The following TNN variants were observed in gnomAD, a reference collection of about 807,000 sequenced individuals.
The protein encoded by TNN is tenascin N, also known as tenascin-N.
A neutral mutation model predicts 134.4 loss-of-function variants in TNN; 122 were observed. The observed-to-expected ratio is 0.91, with a 90% confidence interval of 0.78 to 1.06. The LOEUF (loss-of-function observed/expected upper bound fraction) is 1.06. Among genes scored for constraint, TNN ranks in the 50% least tolerant of loss-of-function variants. The pLI, the probability that TNN is intolerant of heterozygous loss-of-function variation, is 0.00. For synonymous variants in TNN, 710 were observed against 670.3 expected (o/e 1.06, Z -0.91); for missense variants, 1,739 against 1,699.4 (o/e 1.02, Z -0.41).
intron 11 of TNN, among the ~76,000 whole-genome samples, chr1:175,121,406 C>G (rs916922427): frequency 1.3e-5 from 2 of 152,248 alleles, no homozygotes; most frequent in South Asian, 4.1e-4. Flanking sequence ...GAGCAAGTGG[C>G]CTGAGATGAG....
At chr1:175,112,375 A>T (rs1248180258) in intron 9 of TNN, among the ~76,000 whole-genome samples, 1 of 151,810 alleles carries the variant, frequency 6.6e-6, no homozygotes, top group African/African-American at 2.4e-5. Context: ...CTTTTTCTTT[A>T]CATAATAACC....
chr1:175,095,240 T>C (rs890632668), intron 7 of TNN, among the ~76,000 whole-genome samples: 3 of 152,166 alleles, frequency 2.0e-5, no homozygotes, highest in Non-Finnish European at 4.4e-5. Flanking sequence ...ACAGTAAGGA[T>C]GGTGATATCT....
At chr1:175,088,353 G>A (rs1439711400) in intron 6 of TNN, among the ~76,000 whole-genome samples, 1 of 152,154 alleles carries the variant, frequency 6.6e-6, no homozygotes, top group Non-Finnish European at 1.5e-5. Context: ...GAGATTCCAA[G>A]GGTTTTAGGA....
chr1:175,095,272 C>T (rs1289215342), intron 7 of TNN, among the ~76,000 whole-genome samples: 1 of 152,148 alleles, frequency 6.6e-6, no homozygotes, highest in Non-Finnish European at 1.5e-5. Context: ...AAGTCAAAGT[C>T]AGCAAATTTC....
chr1:175,120,222 A>G (rs1203760033), intron 11 of TNN, among the ~76,000 whole-genome samples: 1 of 152,214 alleles, frequency 6.6e-6, no homozygotes, highest in African/African-American at 2.4e-5. Flanking sequence ...TGAACAAAAC[A>G]AATATCTCTA....
At chr1:175,078,012 C>T (rs1469366790) in intron 2 of TNN, among the ~76,000 whole-genome samples, 185 bp downstream of exon 2, 1 of 152,186 alleles carries the variant, frequency 6.6e-6, no homozygotes, top group African/African-American at 2.4e-5. Flanking sequence ...CTCCAGGGGG[C>T]ATCTGGAAGC....
At chr1:175,096,183 G>A (rs1018574689) in intron 7 of TNN, among the ~76,000 whole-genome samples, 1 of 152,252 alleles carries the variant, frequency 6.6e-6, no homozygotes, top group South Asian at 2.1e-4. Context: ...CAGGATAGGG[G>A]TCATGCAGGC....
chr1:175,098,638 GTC>G (rs1558356731), intron 9 of TNN, 43 bp downstream of exon 9: 1 of 1,613,180 alleles, frequency 6.2e-7, no homozygotes, highest in Admixed American at 1.7e-5. Context: ...CATGCTCAGG[GTC>G]TGTCTACATG....
At chr1:175,123,878 G>A (rs1336093480) in intron 12 of TNN, among the ~76,000 whole-genome samples, 3 of 152,090 alleles carry the variant, frequency 2.0e-5, no homozygotes, top group Non-Finnish European at 4.4e-5. Context: ...GGTGTCAAAG[G>A]TGGCCTCCCT....
In TNN at chr1:175,098,557, A is replaced by G. The variant is rs757352804; in HGVS notation, c.2081A>G (p.Asp694Gly). ...GTGCACGTGTGGGCCCAGAAGGGGG[A>G]CCAGGAGAGCAAGAAGGCCGACACC... Reference protein sequence around the residue: ...YMVHVWAQKGDQESKKADTKA... With the variant: ...YMVHVWAQKGGQESKKADTKA... The change falls in exon 9 of 19, where the codon GAC becomes GGC. Residue 694 changes from aspartate (D) to glycine (G), a missense_variant. Asp to Gly is a moderately conservative substitution (Grantham distance 94). Transcript: ENST00000239462. 3 of 1,614,028 alleles carry G rather than the reference A, an allele frequency of 1.9e-6. No individual in the cohort carries two copies. The South Asian group carries it at 3.3e-5, about 18-fold the overall frequency.
intron 4 of TNN, among the ~76,000 whole-genome samples, chr1:175,083,214 G>A (rs1178697860): frequency 3.3e-5 from 5 of 152,308 alleles, no homozygotes; most frequent in Admixed American, 2.0e-4. Flanking sequence ...ATCCTTAGAG[G>A]AGAATTTGAG....
intron 9 of TNN, among the ~76,000 whole-genome samples, chr1:175,105,702 T>G (rs1435345518): frequency 1.4e-5 from 2 of 145,392 alleles, no homozygotes; most frequent in Non-Finnish European, 3.0e-5. Context: ...CAGGAAAAAA[T>G]GAGCCTCCTC....
rs1454115450 is a variant in TNN, at chr1:175,147,025, T to C, written c.3854T>C (p.Leu1285Pro). ...CATGGCTACAGCAGGGAGCCTGTCC[T>C]GGGCAGAAAGAAGCGGACGCTGAGA... The part of the protein sequence containing the change: ...RPHGYSREPV[L>P]GRKKRTLRGR... The change falls in exon 19 of 19, where the codon CTG becomes CCG. Residue 1285 changes from leucine (L) to proline (P), a missense_variant. By Grantham distance (98) the Leu-to-Pro change is moderately conservative. Coordinates refer to ENST00000239462, the MANE Select transcript of TNN (RefSeq NM_022093.2). 3 of 1,601,696 alleles carry C rather than the reference T, an allele frequency of 1.9e-6. No homozygotes were observed. Among genetic ancestry groups the C allele is most frequent in the South Asian group, 2.2e-5 (2 of 90,036 alleles).
chr1:175,098,239 A>G (rs764053778), intron 8 of TNN, 93 bp from the exon 9 acceptor site: 10 of 1,568,328 alleles, frequency 6.4e-6, no homozygotes, highest in Non-Finnish European at 7.8e-6. Context: ...TTGTTCTAAA[A>G]GAGCTCTGGA....
In TNN at chr1:175,094,035, A is replaced by G. The variant is rs772450610; in HGVS notation, c.1370A>G (p.Asp457Gly). 1.9e-5 allele frequency: 31 copies of G among 1,612,044 alleles called. No individual in the cohort carries two copies. The highest frequency in any genetic ancestry group is 2.5e-5 in the Non-Finnish European group (29 of 1,178,342). ...TNVVTDRVTE[D>G]TATVSWDPVQ... The stretch of plus-strand genomic sequence containing the variant: ...GTTGTCACTGATCGAGTGACTGAAG[A>G]CACAGCAACTGTCTCCTGGGACCCA... Residue 457 changes from aspartate (D) to glycine (G), a missense_variant, in exon 7 of 19, where the codon GAC becomes GGC. Transcript: ENST00000239462.
chr1:175,083,829 T>A lies in TNN; in HGVS notation c.1128T>A (p.Thr376=). The A allele has an allele frequency of 6.2e-7, 1 of 1,614,078 alleles. No homozygotes were observed. Among genetic ancestry groups the A allele is most frequent in the Non-Finnish European group, 8.5e-7 (1 of 1,179,998 alleles). ...ACGTGGAGTGGGAAAACCCCTCAAC[T>A]GAGGTGGACTACTACAAGCTGCGAT... The part of the protein sequence containing the change: ...SLDVEWENPS[T]EVDYYKLRYG... Residue 376 remains threonine (T), a synonymous_variant, in exon 5 of 19, where the codon ACT becomes ACA. Coordinates refer to ENST00000239462, the MANE Select transcript of TNN (RefSeq NM_022093.2).
chr1:175,128,013 T>A lies in TNN; in HGVS notation c.3046-19T>A. 1 of 1,614,038 alleles carries A rather than the reference T, an allele frequency of 6.2e-7. No individual in the cohort carries two copies. Among genetic ancestry groups the A allele is most frequent in the East Asian group, 2.2e-5 (1 of 44,892 alleles). The stretch of plus-strand genomic sequence containing the variant: ...ATAAACTGAGTCACTGGCTGTCTAA[T>A]CTCTCCCTTGTTTGGTAGGAGATGC... On this transcript the variant is annotated intron_variant, in intron 13 of 18. Coordinates refer to ENST00000239462, the MANE Select transcript of TNN (RefSeq NM_022093.2).
At chr1:175,118,979 A>C (rs1675269383) in intron 11 of TNN, among the ~76,000 whole-genome samples, 155 bp downstream of exon 11, 1 of 152,276 alleles carries the variant, frequency 6.6e-6, no homozygotes, top group Admixed American at 6.5e-5. Flanking sequence ...AACAAAAACA[A>C]AAAACAAACA....
chr1:175,073,315 GC>G, intron 1 of TNN, among the ~76,000 whole-genome samples: 1 of 152,148 alleles, frequency 6.6e-6, no homozygotes, highest in East Asian at 1.9e-4. Context: ...ATAGCGTGTG[GC>G]TTTTATCTTT....
Sources: gnomAD v4.1 joint callset for allele counts (sites outside exome capture counted in the v4.1 genomes callset) on GRCh38, gnomAD v4.1.1 for gene constraint, MANE v1.5 for transcripts, NCBI Gene and HGNC (gene_info 2026-07-23, HGNC 2026-07-21) for gene names.